Variants in ABCA13 observed in about 807,000 individuals in gnomAD.
ABCA13 encodes the protein ATP binding cassette subfamily A member 13.
A neutral mutation model predicts 478.7 loss-of-function variants in ABCA13; 476 were observed. That is an observed-to-expected ratio of 0.99 (90% CI 0.92 to 1.07). ABCA13 has a LOEUF of 1.07. Among genes scored for constraint, ABCA13 ranks in the 50% least tolerant of loss-of-function variants. The pLI, the probability that ABCA13 is intolerant of heterozygous loss-of-function variation, is 0.00. For synonymous variants in ABCA13, 2,252 were observed against 2,158.9 expected (o/e 1.04, Z -1.20); for missense variants, 6,060 against 5,910.6 (o/e 1.03, Z -0.83).
intron 42 of ABCA13, among the ~76,000 whole-genome samples, chr7:48,438,684 A>AT (rs1330290701): frequency 6.7e-6 from 1 of 149,428 alleles, no homozygotes; most frequent in African/African-American, 2.5e-5. Flanking sequence ...TTCTTTACTG[A>AT]TTTTTTGTTT....
Position 48,229,082 on chromosome 7 carries a change from T to C in ABCA13, c.633-743T>C, listed in dbSNP as rs137863673. Reference sequence around the variant, plus strand: ...TACACAAAGTTGTCATAAAAGATTTTTCTTGATGAAAATCTACAAGGAAAT... The same window carrying C: ...TACACAAAGTTGTCATAAAAGATTTCTCTTGATGAAAATCTACAAGGAAAT... On this transcript the variant is annotated intron_variant, in intron 6 of 61. Transcript: ENST00000435803. 1.4e-4 allele frequency among the ~76,000 whole-genome samples: 22 copies of C among 152,294 alleles called. No homozygotes were observed. The East Asian group carries it at 3.7e-3, about 25-fold the overall frequency.
intron 27 of ABCA13, among the ~76,000 whole-genome samples, chr7:48,321,631 T>A (rs968843177): frequency 3.9e-5 from 6 of 152,176 alleles, no homozygotes; most frequent in African/African-American, 1.4e-4. Flanking sequence ...GACATCCATG[T>A]CCTGAGCCAG....
At chr7:48,487,167 G>A (rs1829384866) in intron 47 of ABCA13, among the ~76,000 whole-genome samples, 2 of 151,924 alleles carry the variant, frequency 1.3e-5, no homozygotes, top group African/African-American at 2.4e-5. Flanking sequence ...AAAATTAGCC[G>A]GGCGTGGTGG....
intron 55 of ABCA13, among the ~76,000 whole-genome samples, chr7:48,566,195 C>T (rs1049714045): frequency 6.6e-6 from 1 of 152,112 alleles, no homozygotes; most frequent in Non-Finnish European, 1.5e-5. Flanking sequence ...CCTCAGAGTG[C>T]TCCAAACATT....
At chr7:48,617,734 C>G (rs527557106) in intron 59 of ABCA13, among the ~76,000 whole-genome samples, 1 of 152,100 alleles carries the variant, frequency 6.6e-6, no homozygotes, top group Non-Finnish European at 1.5e-5. Context: ...CATGAACAGT[C>G]GGGAACCCTT....
chr7:48,532,212 T>G (rs770347961), intron 55 of ABCA13, among the ~76,000 whole-genome samples: 2 of 152,098 alleles, frequency 1.3e-5, no homozygotes, highest in Non-Finnish European at 2.9e-5. Flanking sequence ...TCATAAAGAA[T>G]GCTGGATTAT....
intron 38 of ABCA13, among the ~76,000 whole-genome samples, chr7:48,393,401 C>T (rs1228730202): frequency 2.0e-5 from 3 of 152,188 alleles, no homozygotes; most frequent in East Asian, 3.8e-4. Context: ...GAACGTCAAC[C>T]ATGGCGTGAG....
At chr7:48,435,976 T>C (rs1822774564) in intron 42 of ABCA13, among the ~76,000 whole-genome samples, 1 of 151,172 alleles carries the variant, frequency 6.6e-6, no homozygotes, top group Non-Finnish European at 1.5e-5. Flanking sequence ...GTAAGGTTTT[T>C]TTTTTTTTTG....
intron 41 of ABCA13, among the ~76,000 whole-genome samples, chr7:48,416,149 C>A (rs1437941445): frequency 6.6e-6 from 1 of 152,196 alleles, no homozygotes; most frequent in African/African-American, 2.4e-5. Flanking sequence ...AAGCCACTAT[C>A]TCCTTTATAA....
At chr7:48,287,639 A>G (rs1397146901) in intron 19 of ABCA13, among the ~76,000 whole-genome samples, 1 of 152,206 alleles carries the variant, frequency 6.6e-6, no homozygotes, top group Non-Finnish European at 1.5e-5. Context: ...GAATAGGTGA[A>G]AAGCAAGTCT....
Position 48,219,381 on chromosome 7 carries a change from C to A in ABCA13, c.315C>A (p.Asp105Glu). The change falls in exon 4 of 62, where the codon GAC becomes GAA. Residue 105 changes from aspartate to glutamate, a missense_variant. By Grantham distance (45) the Asp-to-Glu change is conservative (BLOSUM62 2). Coordinates refer to ENST00000435803, the MANE Select transcript of ABCA13 (RefSeq NM_152701.5). ...FRLSRFQTAA[D>E]PKKVNNLAFL... ...TGTCTAGGTTCCAAACTGCAGCTGA[C>A]CCCAAGAAAGTCAACAACCTGGCCT... 6.2e-7 allele frequency: 1 copy of A among 1,612,502 alleles called. No homozygotes were observed.
intron 30 of ABCA13, 144 bp from the exon 31 acceptor site, chr7:48,352,037 T>C: frequency 1.4e-6 from 1 of 735,342 alleles, no homozygotes; most frequent in Non-Finnish European, 2.1e-6. Context: ...GCTTTGCCAC[T>C]GCGGGCTGGG....
chr7:48,544,049 T>TA (rs1346331952), intron 55 of ABCA13, among the ~76,000 whole-genome samples: 3 of 151,638 alleles, frequency 2.0e-5, no homozygotes, highest in Non-Finnish European at 2.9e-5. Flanking sequence ...TTACATTAAT[T>TA]ACAAAATGTT....
chr7:48,326,759 T>A (rs988497314), intron 27 of ABCA13, among the ~76,000 whole-genome samples: 1 of 152,228 alleles, frequency 6.6e-6, no homozygotes, highest in Admixed American at 6.5e-5. Flanking sequence ...CATGTGAGTA[T>A]ATCTATTTCT....
intron 27 of ABCA13, among the ~76,000 whole-genome samples, chr7:48,328,821 A>G (rs1225560951): frequency 6.6e-6 from 1 of 152,192 alleles, no homozygotes; most frequent in Non-Finnish European, 1.5e-5. Flanking sequence ...AATCCCCAAA[A>G]TGAGATATCC....
Position 48,273,911 on chromosome 7 carries a change from T to G in ABCA13, c.4245T>G (p.Gly1415=). The G allele has an allele frequency of 1.2e-6, 2 of 1,612,904 alleles. No homozygotes were observed. Among genetic ancestry groups the G allele is most frequent in the South Asian group, 2.2e-5 (2 of 91,014 alleles). ...YLLSNSSFSQ[G]HLQNILGNFR... ...TGTCTAACTCCAGTTTTTCACAAGGTCATCTTCAAAATATTTTGGGGAATT... is the reference window on the plus strand; with the variant it reads ...TGTCTAACTCCAGTTTTTCACAAGGGCATCTTCAAAATATTTTGGGGAATT... The change falls in exon 17 of 62, where the codon GGT becomes GGG. Residue 1415 remains glycine (G), a synonymous_variant. Coordinates refer to ENST00000435803, the MANE Select transcript of ABCA13 (RefSeq NM_152701.5).
chr7:48,448,164 A>G (rs186533338), intron 42 of ABCA13, among the ~76,000 whole-genome samples: 1 of 152,314 alleles, frequency 6.6e-6, no homozygotes, highest in Admixed American at 6.5e-5. Flanking sequence ...GAAATCAGAG[A>G]GCAGGGTTAA....
intron 51 of ABCA13, among the ~76,000 whole-genome samples, chr7:48,515,955 G>C (rs1040140615): frequency 6.6e-6 from 1 of 152,134 alleles, no homozygotes; most frequent in Admixed American, 6.6e-5. Flanking sequence ...CCACAGAGCC[G>C]ACAAGTTCAG....
At chr7:48,377,258 CACGCAT>C (rs1485335492) in intron 35 of ABCA13, among the ~76,000 whole-genome samples, 1 of 150,834 alleles carries the variant, frequency 6.6e-6, no homozygotes, top group East Asian at 1.9e-4. Context: ...GGAAAAGAGG[CACGCAT>C]ACCTTTACCT....
Sources: allele counts gnomAD v4.1 joint callset (sites outside exome capture counted in the v4.1 genomes callset), GRCh38; gene constraint gnomAD v4.1.1; transcripts MANE v1.5; gene names NCBI Gene and HGNC (gene_info 2026-07-23, HGNC 2026-07-21).